The following CDK5RAP2 variants were observed in gnomAD, a reference collection of about 807,000 sequenced individuals.
The protein encoded by CDK5RAP2 is CDK5 regulatory subunit associated protein 2.
Under a neutral mutation model 232.9 loss-of-function variants are expected in CDK5RAP2, and 147 were observed. The ratio of observed to expected loss-of-function variants is 0.63; its 90% CI spans 0.55 to 0.72. The LOEUF (loss-of-function observed/expected upper bound fraction) is 0.72. Ranked by LOEUF, CDK5RAP2 falls within the 30% of genes least tolerant of loss-of-function variation. The pLI is 0.00. For synonymous variants in CDK5RAP2, 833 were observed against 833.7 expected, an observed-to-expected ratio of 1.00 and a Z score of 0.01; for missense variants, 2,195 against 2,231.5, an observed-to-expected ratio of 0.98 and a Z score of 0.33.
chr9:120,411,262 T>G, intron 29 of CDK5RAP2, 96 bp downstream of exon 29: 4 of 796,424 alleles, frequency 5.0e-6, no homozygotes, highest in Non-Finnish European at 9.2e-6. Context: ...GCCACAGGAT[T>G]CATACTTAGG....
chr9:120,524,940 G>C (rs2040833195), intron 11 of CDK5RAP2, 46 bp downstream of exon 11: 21 of 1,339,872 alleles, frequency 1.6e-5, no homozygotes, highest in Non-Finnish European at 2.2e-5. Flanking sequence ...ACCTCACCAG[G>C]GGTCAGGATC....
chr9:120,578,183 C>T (rs1476789073), intron 1 of CDK5RAP2, among the ~76,000 whole-genome samples: 2 of 152,178 alleles, frequency 1.3e-5, no homozygotes, highest in East Asian at 1.9e-4. Flanking sequence ...AGGAGAATTG[C>T]TTGAACCCGG....
chr9:120,552,079 G>A (rs10818465), intron 3 of CDK5RAP2, among the ~76,000 whole-genome samples: 2 of 151,446 alleles, frequency 1.3e-5, no homozygotes, highest in Admixed American at 6.6e-5. Flanking sequence ...GCAGCCAAAA[G>A]ACACATGAAA....
chr9:120,546,569 G>A (rs576661462), intron 4 of CDK5RAP2, among the ~76,000 whole-genome samples: 5 of 152,296 alleles, frequency 3.3e-5, no homozygotes, highest in South Asian at 2.1e-4. Flanking sequence ...TGGGTGCATC[G>A]TTTGTGGAAG....
At chr9:120,515,826 C>T (rs1001832808) in intron 12 of CDK5RAP2, among the ~76,000 whole-genome samples, 2 of 152,224 alleles carry the variant, frequency 1.3e-5, no homozygotes, top group Non-Finnish European at 2.9e-5. Context: ...GAGATACCAC[C>T]TCACACCAGT....
At chr9:120,464,701 T>C (rs1285197821) in intron 18 of CDK5RAP2, among the ~76,000 whole-genome samples, 2 of 152,152 alleles carry the variant, frequency 1.3e-5, no homozygotes, top group Non-Finnish European at 2.9e-5. Context: ...CCCTATGGTG[T>C]TGCTAAACAA....
At chr9:120,534,810 G>C (rs1330694708) in intron 7 of CDK5RAP2, among the ~76,000 whole-genome samples, 1 of 152,174 alleles carries the variant, frequency 6.6e-6, no homozygotes, top group Admixed American at 6.5e-5. Flanking sequence ...CCTACTCCCA[G>C]TTTAACTGCT....
In CDK5RAP2 at chr9:120,491,486, A is replaced by G. The variant is rs2038904875; in HGVS notation, c.1312-9T>C. Reference sequence around the variant, plus strand: ...ACTTCATTTCTAAGATCCTACCAGAAGAAAATGAAAAAATGGAATTTACTT... The same window carrying G: ...ACTTCATTTCTAAGATCCTACCAGAGGAAAATGAAAAAATGGAATTTACTT... On this transcript the variant is annotated splice_polypyrimidine_tract_variant and intron_variant, in intron 12 of 37. Coordinates refer to ENST00000349780, the MANE Select transcript of CDK5RAP2 (RefSeq NM_018249.6). The G allele has an allele frequency of 6.2e-7, 1 of 1,602,062 alleles. No individual in the cohort carries two copies. Among genetic ancestry groups the G allele is most frequent in the Non-Finnish European group, 8.5e-7 (1 of 1,172,440 alleles).
rs140507264 is a variant in CDK5RAP2, at chr9:120,535,495, G to A, written c.662+877C>T. The stretch of plus-strand genomic sequence containing the variant: ...AAAAAGGAGCCAGTCAGTATCCTCC[G>A]AAACAGATCATTTGCTTTAGAACAA... On this transcript the variant is annotated intron_variant, in intron 7 of 37. Coordinates refer to ENST00000349780, the MANE Select transcript of CDK5RAP2 (RefSeq NM_018249.6). Among the ~76,000 whole-genome samples, 25 of 152,334 alleles carry A rather than the reference G, an allele frequency of 1.6e-4. No homozygotes were observed. The East Asian group carries it at 3.1e-3, about 19-fold the overall frequency.
intron 25 of CDK5RAP2, among the ~76,000 whole-genome samples, chr9:120,431,100 T>C (rs2035259218): frequency 1.3e-5 from 2 of 152,068 alleles, no homozygotes; most frequent in South Asian, 2.1e-4. Context: ...CATCACACTC[T>C]GGGGACTGTT....
rs886063391 is a variant in CDK5RAP2 at position 120,403,052 on chromosome 9, G to C, written c.5061C>G (p.Leu1687=). ...AGAGGGAGTCCGTGTCATTCCCAGA[G>C]AGTGGAGGAGTCTCTGAAACTGTAA... ...TPKSVSETPP[L]SGNDTDSLSC... The change falls in exon 34 of 38, where the codon CTC becomes CTG. Residue 1687 remains leucine (L), a synonymous_variant. Coordinates refer to ENST00000349780, the MANE Select transcript of CDK5RAP2 (RefSeq NM_018249.6). This position sits in a 1 kb window ranked among gnomAD's most constrained non-coding sequence, Gnocchi z 4.2. 41 of 1,614,140 alleles carry C rather than the reference G, an allele frequency of 2.5e-5. No individual in the cohort carries two copies. The highest frequency in any genetic ancestry group is 3.5e-5 in the Non-Finnish European group (41 of 1,179,996).
intron 2 of CDK5RAP2, among the ~76,000 whole-genome samples, chr9:120,569,062 T>A (rs1176754688): frequency 2.0e-5 from 3 of 152,146 alleles, no homozygotes; most frequent in Non-Finnish European, 4.4e-5. Context: ...TCCTGCATGC[T>A]GAGGAAACAA....
At chr9:120,500,203 C>A (rs1338496828) in intron 12 of CDK5RAP2, among the ~76,000 whole-genome samples, 1 of 152,118 alleles carries the variant, frequency 6.6e-6, no homozygotes, top group South Asian at 2.1e-4. Flanking sequence ...TCTCTTAGGT[C>A]ACTTAACTAC....
intron 36 of CDK5RAP2, 54 bp downstream of exon 36, chr9:120,394,458 G>A (rs1252383624): frequency 4.3e-6 from 7 of 1,612,688 alleles, no homozygotes; most frequent in Non-Finnish European, 5.1e-6. Context: ...AGAACTGGGA[G>A]CCCTCGGAGG....
chr9:120,401,248 A>G (rs2032980900), intron 34 of CDK5RAP2, among the ~76,000 whole-genome samples: 1 of 152,050 alleles, frequency 6.6e-6, no homozygotes, highest in South Asian at 2.1e-4. Flanking sequence ...CAAGCAATAA[A>G]TGGTTTGCCT....
chr9:120,433,804 A>G (rs1564209072), intron 25 of CDK5RAP2, among the ~76,000 whole-genome samples: 1 of 152,160 alleles, frequency 6.6e-6, no homozygotes, highest in Non-Finnish European at 1.5e-5. Context: ...CACTCCACAA[A>G]TGGTCACAGA....
chr9:120,465,319 T>G (rs886221709), intron 18 of CDK5RAP2, among the ~76,000 whole-genome samples: 1 of 152,004 alleles, frequency 6.6e-6, no homozygotes, highest in Non-Finnish European at 1.5e-5. Context: ...TCAACCTAAT[T>G]CTCCTATAAT....
Position 120,453,707 on chromosome 9 carries a change from C to T in CDK5RAP2, c.2542G>A (p.Glu848Lys). 1.2e-6 allele frequency: 2 copies of T among 1,614,232 alleles called. No individual in the cohort carries two copies. The change falls in exon 21 of 38, where the codon GAA becomes AAA. Residue 848 changes from glutamate (E) to lysine (K), a missense_variant. Transcript: ENST00000349780. ...TGGGCCTCACAAGACAACTTCAGTT[C>T]ATCATGTGGCTTGGAAAATGAGTTG... ...QTNSFSKPHD[E>K]LKLSCEAQLV...
At chr9:120,443,575 T>A in intron 23 of CDK5RAP2, 45 bp downstream of exon 23, 1 of 1,608,138 alleles carries the variant, frequency 6.2e-7, no homozygotes, top group Non-Finnish European at 8.5e-7. Flanking sequence ...AAATGGTGCC[T>A]GGCACATGGA....
Sources: gnomAD v4.1 joint callset for allele counts (sites outside exome capture counted in the v4.1 genomes callset) on GRCh38, gnomAD v4.1.1 for gene constraint, Gnocchi (gnomAD v3.1) non-coding constraint, MANE v1.5 for transcripts, NCBI Gene and HGNC (gene_info 2026-07-23, HGNC 2026-07-21) for gene names.